USP24: variants seen among roughly 807,000 people sequenced by gnomAD.
USP24 encodes the protein ubiquitin carboxyl-terminal hydrolase 24.
A neutral mutation model predicts 361.6 loss-of-function variants in USP24; 97 were observed. The ratio of observed to expected loss-of-function variants is 0.27; its 90% CI spans 0.23 to 0.32. USP24 has a LOEUF of 0.32. Among genes scored for constraint, USP24 ranks in the 10% least tolerant of loss-of-function variants. The probability of loss-of-function intolerance (pLI) is 1.00; values close to 1 mark genes in which losing one functional copy is unlikely to be tolerated. For missense variants in USP24, 2,353 were observed against 3,165.6 expected, an observed-to-expected ratio of 0.74 and a Z score of 6.16; for synonymous variants, 1,098 against 1,124.6, an observed-to-expected ratio of 0.98 and a Z score of 0.47.
intron 1 of USP24, among the ~76,000 whole-genome samples, chr1:55,207,603 T>A (rs1346567234): frequency 6.6e-6 from 1 of 152,206 alleles, no homozygotes; most frequent in East Asian, 1.9e-4. Flanking sequence ...ACACAGCATT[T>A]CCATTGTATT....
At chr1:55,131,442 T>C (rs1051923586) in intron 31 of USP24, among the ~76,000 whole-genome samples, 4 of 152,206 alleles carry the variant, frequency 2.6e-5, no homozygotes, top group South Asian at 2.1e-4. Flanking sequence ...ACCTCAAACG[T>C]GGTTTCCATG....
chr1:55,146,248 G>A (rs990682149), intron 19 of USP24, 139 bp from the exon 20 acceptor site: 3 of 540,246 alleles, frequency 5.6e-6, no homozygotes, highest in East Asian at 3.1e-5. Context: ...TAAAATGCTT[G>A]GAATTCTGAA....
chr1:55,077,107 A>G (rs1645044910), intron 62 of USP24, 128 bp downstream of exon 62: 5 of 891,856 alleles, frequency 5.6e-6, no homozygotes, highest in Non-Finnish European at 7.8e-6. Flanking sequence ...TGACACGAAG[A>G]TTTGGTCTCA....
At chr1:55,202,673 G>A (rs1644607222) in intron 1 of USP24, among the ~76,000 whole-genome samples, 1 of 152,166 alleles carries the variant, frequency 6.6e-6, no homozygotes, top group African/African-American at 2.4e-5. Context: ...CCAAAGTGCT[G>A]TGATTACAGG....
At position 55,208,193 on chromosome 1, in the gene USP24, G is replaced by C. The variant is rs370930955; in HGVS notation, c.324+6597C>G. 8.5e-4 allele frequency among the ~76,000 whole-genome samples: 129 copies of C among 152,242 alleles called. 4 individuals are homozygous for C. The South Asian group carries it at 0.025, about 30-fold the overall frequency. On this transcript the variant is annotated intron_variant, in intron 1 of 67. Coordinates refer to ENST00000294383, the MANE Select transcript of USP24 (RefSeq NM_015306.3). ...CTACTTCTCACACATAACACACACA[G>C]AGAAATAAAAAATGGAAGCTACCAA...
At chr1:55,098,579 A>G (rs770550231) in intron 45 of USP24, 21 bp from the exon 46 acceptor site, 3 of 1,562,300 alleles carry the variant, frequency 1.9e-6, no homozygotes, top group East Asian at 2.2e-5. Flanking sequence ...GAAAAGTTAC[A>G]GTTTTAAGTG....
intron 50 of USP24, 50 bp downstream of exon 50, chr1:55,096,448 A>G: frequency 7.3e-7 from 1 of 1,374,498 alleles, no homozygotes; most frequent in Non-Finnish European, 9.6e-7. Flanking sequence ...TTTTTATAGA[A>G]AACGATAAAT....
At chr1:55,156,706 T>C (rs976403531) in intron 12 of USP24, among the ~76,000 whole-genome samples, 1 of 152,186 alleles carries the variant, frequency 6.6e-6, no homozygotes, top group Non-Finnish European at 1.5e-5. Context: ...CTATATGACC[T>C]TCTCATTTTT....
intron 1 of USP24, among the ~76,000 whole-genome samples, chr1:55,199,322 T>C (rs1047051110): frequency 6.6e-6 from 1 of 151,648 alleles, no homozygotes; most frequent in Admixed American, 6.6e-5. Context: ...AAAAAAAACA[T>C]GATTAACAGA....
chr1:55,142,906 A>T (rs1179223875), intron 22 of USP24, 73 bp downstream of exon 22: 1 of 1,431,416 alleles, frequency 7.0e-7, no homozygotes, highest in East Asian at 2.5e-5. Context: ...CAAGGATCAC[A>T]GCTTATCACT....
chr1:55,140,683 A>G (rs1176024298), intron 24 of USP24, among the ~76,000 whole-genome samples: 1 of 152,236 alleles, frequency 6.6e-6, no homozygotes, highest in East Asian at 1.9e-4. Context: ...TAGCCATTCT[A>G]GAGTAGAGAA....
rs149751540 is a variant in USP24 at position 55,123,490 on chromosome 1, C to G, written c.4233G>C (p.Leu1411Phe). The G allele has an allele frequency of 4.4e-6, 7 of 1,602,592 alleles. No homozygotes were observed. The highest frequency in any genetic ancestry group is 2.6e-6 in the Non-Finnish European group (3 of 1,174,658). The stretch of plus-strand genomic sequence containing the variant: ...GCTGTAGGCACGTAACAAGAAGAGA[C>G]AAAGCCTCTCCCGCAATCAGCGAGT... Reference protein sequence around the residue: ...TKDSLIAGEALSLLVTCLQLR... With the variant: ...TKDSLIAGEAFSLLVTCLQLR... Residue 1411 changes from leucine to phenylalanine, a missense_variant, in exon 36 of 68, where the codon TTG becomes TTC. Leu to Phe is a conservative substitution (Grantham distance 22). Coordinates refer to ENST00000294383, the MANE Select transcript of USP24 (RefSeq NM_015306.3).
rs575436371 is a variant in USP24, at chr1:55,170,527, G to A, written c.825+1029C>T. 3.3e-5 allele frequency among the ~76,000 whole-genome samples: 5 copies of A among 152,274 alleles called. No homozygotes were observed. In the South Asian group the frequency reaches 6.2e-4, roughly 19 times the overall value. Reference sequence around the variant, plus strand: ...CTAGCTGCCTGCATGGGTTCTCCCTGTAACTAGGTATGTGGACTTGGGCAA... The same window carrying A: ...CTAGCTGCCTGCATGGGTTCTCCCTATAACTAGGTATGTGGACTTGGGCAA... On this transcript the variant is annotated intron_variant, in intron 5 of 67. Transcript: ENST00000294383.
chr1:55,186,830 T>C lies in USP24; in HGVS notation c.325-8698A>G, dbSNP rs148905167. ...TCAGCTGGGGAAGATGAAGTAGTTCTGAAGATGGATGGGACTGATGGATGC... is the reference window on the plus strand; with the variant it reads ...TCAGCTGGGGAAGATGAAGTAGTTCCGAAGATGGATGGGACTGATGGATGC... On this transcript the variant is annotated intron_variant, in intron 1 of 67. Coordinates refer to ENST00000294383, the MANE Select transcript of USP24 (RefSeq NM_015306.3). 1.5e-3 allele frequency among the ~76,000 whole-genome samples: 230 copies of C among 152,284 alleles called. 1 individual carries two copies. Among genetic ancestry groups the C allele is most frequent in the African/African-American group, 5.4e-3 (224 of 41,564 alleles).
rs773178713 is a variant in USP24 at position 55,147,683 on chromosome 1, G to A, written c.2084C>T (p.Ser695Leu). Residue 695 changes from serine to leucine, a missense_variant, in exon 18 of 68, where the codon TCG (serine) becomes TTG (leucine). Ser to Leu is a moderately radical substitution (Grantham distance 145, BLOSUM62 -2). Around this residue, in one of 8 missense-constraint regions of USP24, gnomAD observed 949 missense variants for 1,280.5 expected, o/e 0.74. Coordinates refer to ENST00000294383, the MANE Select transcript of USP24 (RefSeq NM_015306.3). ...AGTGTACCGGCCATCCACTAGTGTCGAGCCACTTAAGCCTCCAGGCCCGGC... is the reference window on the plus strand; with the variant it reads ...AGTGTACCGGCCATCCACTAGTGTCAAGCCACTTAAGCCTCCAGGCCCGGC... ...AVAGPGGLSG[S>L]TLVDGRYTYR... 9.9e-6 allele frequency: 16 copies of A among 1,610,198 alleles called. No individual in the cohort carries two copies. Among genetic ancestry groups the A allele is most frequent in the African/African-American group, 5.3e-5 (4 of 74,768 alleles).
At position 55,071,492 on chromosome 1, in the gene USP24, T is replaced by C. The variant is rs142269097; in HGVS notation, c.7800+322A>G. On this transcript the variant is annotated intron_variant, in intron 67 of 67. Coordinates refer to ENST00000294383, the MANE Select transcript of USP24 (RefSeq NM_015306.3). The stretch of plus-strand genomic sequence containing the variant: ...AGCAAACGAGGGACTTTCAGTAACC[T>C]GGCAAGGCAGAATAAAGTGAACAAG... The C allele has an allele frequency of 7.2e-5, 77 of 1,074,230 alleles. No individual in the cohort carries two copies. In the East Asian group the frequency reaches 4.1e-3, roughly 57 times the overall value. The allele number at this position is 1,074,230 out of a possible 1,614,324, so 66.5% of individuals were successfully genotyped here.
chr1:55,091,332 CAT>C (rs1468182901), intron 54 of USP24, among the ~76,000 whole-genome samples: 1 of 152,158 alleles, frequency 6.6e-6, no homozygotes, highest in Non-Finnish European at 1.5e-5. Context: ...GAACTGCACA[CAT>C]GAGGGATCTA....
At chr1:55,209,854 CT>C (rs1644807028) in intron 1 of USP24, among the ~76,000 whole-genome samples, 1 of 151,944 alleles carries the variant, frequency 6.6e-6, no homozygotes, top group Non-Finnish European at 1.5e-5. Context: ...TTAACATTTT[CT>C]TATTAAAAGT....
At chr1:55,165,326 AAC>A (rs2100778854) in intron 7 of USP24, among the ~76,000 whole-genome samples, 1 of 152,266 alleles carries the variant, frequency 6.6e-6, no homozygotes, top group South Asian at 2.1e-4. Context: ...CAAACAGGTC[AAC>A]AGTGTCTGAA....
Sources: allele counts gnomAD v4.1 joint callset (sites outside exome capture counted in the v4.1 genomes callset), GRCh38; gene constraint gnomAD v4.1.1; regional missense constraint gnomAD v4.1.1; transcripts MANE v1.5; gene names NCBI Gene and HGNC (gene_info 2026-07-23, HGNC 2026-07-21).